Variants in DLG5 observed in about 807,000 individuals in gnomAD.
DLG5 encodes discs large MAGUK scaffold protein 5, also known as disks large homolog 5.
In DLG5, 48 loss-of-function variants were observed where a neutral mutation model predicts 189.8. The observed-to-expected ratio is 0.25, with a 90% CI of 0.20 to 0.32. The LOEUF (loss-of-function observed/expected upper bound fraction) is 0.32. Among genes scored for constraint, DLG5 ranks in the 10% least tolerant of loss-of-function variants. The pLI is 1.00. For synonymous variants in DLG5, 1,016 were observed against 1,054.1 expected, an observed-to-expected ratio of 0.96 and a Z score of 0.70; for missense variants, 2,160 against 2,544.7, an observed-to-expected ratio of 0.85 and a Z score of 3.25.
At chr10:77,901,397 T>C (rs1242665583) in intron 1 of DLG5, among the ~76,000 whole-genome samples, 1 of 152,166 alleles carries the variant, frequency 6.6e-6, no homozygotes, top group East Asian at 1.9e-4. Flanking sequence ...CCATCTACAG[T>C]AGCATCCTGG....
intron 12 of DLG5, 141 bp downstream of exon 12, chr10:77,829,214 G>C: frequency 7.9e-7 from 1 of 1,266,238 alleles, no homozygotes; most frequent in South Asian, 1.4e-5. Context: ...CCTCTTGCCA[G>C]AAAAGCACAT....
chr10:77,796,082 T>G lies in DLG5; in HGVS notation c.5415A>C (p.Ser1805=). The G allele has an allele frequency of 6.2e-7, 1 of 1,614,212 alleles. No homozygotes were observed. The change falls in exon 29 of 32, where the codon TCA becomes TCC. Residue 1805 remains serine, a synonymous_variant. Transcript: ENST00000372391. This position sits in a 1 kb window ranked among gnomAD's most constrained non-coding sequence, Gnocchi z 5.2. ...GTACCTTTTCTGTGATCTCCTTTAT[T>G]GACGCCACAGTGGTCACATCGAAAT... ...SGHFDVTTVA[S]IKEITEKNRH...
chr10:77,795,980 G>A (rs1156264051), intron 29 of DLG5, 81 bp downstream of exon 29: 2 of 1,596,912 alleles, frequency 1.3e-6, no homozygotes, highest in East Asian at 2.2e-5. Context: ...CTGGGGCAGA[G>A]GATCACGGAC....
In DLG5 at chr10:77,821,629, A is replaced by G; in HGVS notation, c.2855T>C (p.Leu952Pro). The change falls in exon 15 of 32, where the codon CTC becomes CCC. Residue 952 changes from leucine to proline, a missense_variant. Around this residue, in one of 5 missense-constraint regions of DLG5, gnomAD observed 754 missense variants for 746.5 expected, o/e 1.01. Transcript: ENST00000372391. ...CTTCTCAGGCACTGCCGTGGAGCTGAGCATGGCCTTGGGCCAGGTCCCGCC... is the reference window on the plus strand; with the variant it reads ...CTTCTCAGGCACTGCCGTGGAGCTGGGCATGGCCTTGGGCCAGGTCCCGCC... ...NSGGTWPKAM[L>P]SSTAVPEKLS... 1.2e-6 allele frequency: 2 copies of G among 1,613,046 alleles called. No homozygotes were observed. The highest frequency in any genetic ancestry group is 1.7e-6 in the Non-Finnish European group (2 of 1,179,966).
At chr10:77,839,973 A>C (rs184174102) in intron 7 of DLG5, among the ~76,000 whole-genome samples, 3 of 152,252 alleles carry the variant, frequency 2.0e-5, no homozygotes, top group Non-Finnish European at 4.4e-5. Context: ...TCAGACGGGC[A>C]TAATAATGAA....
intron 2 of DLG5, among the ~76,000 whole-genome samples, chr10:77,865,351 C>T (rs775772534): frequency 5.3e-5 from 8 of 152,066 alleles, no homozygotes; most frequent in Admixed American, 1.3e-4. Context: ...AGTGGCAGCC[C>T]CCACTTCCCT....
At chr10:77,917,817 C>T (rs1224006020) in intron 1 of DLG5, among the ~76,000 whole-genome samples, 4 of 148,842 alleles carry the variant, frequency 2.7e-5, no homozygotes, top group Non-Finnish European at 6.0e-5. Flanking sequence ...ACCTGAGGTA[C>T]GGAGTTCGAG....
chr10:77,925,341 G>A (rs1846652498), intron 1 of DLG5, among the ~76,000 whole-genome samples: 1 of 152,160 alleles, frequency 6.6e-6, no homozygotes, highest in Non-Finnish European at 1.5e-5. Context: ...TCCTCCCTCA[G>A]TGCCATGTCT....
At chr10:77,864,770 T>C (rs1482734696) in intron 2 of DLG5, among the ~76,000 whole-genome samples, 4 of 152,358 alleles carry the variant, frequency 2.6e-5, no homozygotes, top group African/African-American at 9.6e-5. Context: ...CCCCCACTGA[T>C]GTCCTTGACA....
chr10:77,824,541 C>T, intron 13 of DLG5, 65 bp from the exon 14 acceptor site: 1 of 1,267,918 alleles, frequency 7.9e-7, no homozygotes, highest in Non-Finnish European at 1.1e-6. Flanking sequence ...CAGTCAGGAT[C>T]TCTGCCTACC....
Position 77,817,087 on chromosome 10 carries a change from C to T in DLG5, c.3794G>A (p.Ser1265Asn), listed in dbSNP as rs1364254789. ...GCGTTCCGCCTTGAACTGCAAGTTACTCGAAGAACCTATTGTTCCATAAGG... is the reference window on the plus strand; with the variant it reads ...GCGTTCCGCCTTGAACTGCAAGTTATTCGAAGAACCTATTGTTCCATAAGG... ...LPSSARLGSS[S>N]NLQFKAERIK... Residue 1265 changes from serine (S) to asparagine (N), a missense_variant, in exon 19 of 32, where the codon AGT (serine) becomes AAT (asparagine). This residue lies in a region of DLG5 where 754 missense variants were observed against 746.5 expected (regional missense o/e 1.01). Transcript: ENST00000372391. 6.2e-7 allele frequency: 1 copy of T among 1,614,164 alleles called. No individual in the cohort carries two copies. Among genetic ancestry groups the T allele is most frequent in the East Asian group, 2.2e-5 (1 of 44,882 alleles).
chr10:77,808,267 T>TTTTA (rs139929109), intron 24 of DLG5, among the ~76,000 whole-genome samples: 1 of 152,082 alleles, frequency 6.6e-6, no homozygotes, highest in Non-Finnish European at 1.5e-5. Flanking sequence ...TTGCCTGTGC[T>TTTTA]TTTATTTATT....
chr10:77,794,537 C>T (rs900274150), intron 30 of DLG5, among the ~76,000 whole-genome samples: 2 of 152,166 alleles, frequency 1.3e-5, no homozygotes, highest in Non-Finnish European at 2.9e-5. Flanking sequence ...CTAAGCAGCA[C>T]GTAGCGAGGA....
chr10:77,812,574 G>A (rs1001819071), intron 20 of DLG5, among the ~76,000 whole-genome samples, 197 bp from the exon 21 acceptor site: 3 of 152,146 alleles, frequency 2.0e-5, no homozygotes, highest in African/African-American at 4.8e-5. Flanking sequence ...ACAGCCTCAC[G>A]CAACACGAGC....
chr10:77,852,331 A>C (rs1844018206), intron 5 of DLG5, among the ~76,000 whole-genome samples: 1 of 152,064 alleles, frequency 6.6e-6, no homozygotes, highest in Non-Finnish European at 1.5e-5. Flanking sequence ...AAATCACACT[A>C]CTGCACTCCA....
chr10:77,793,651 C>T (rs746713045), intron 31 of DLG5: 1 of 263,948 alleles, frequency 3.8e-6, no homozygotes, highest in Non-Finnish European at 7.1e-6. Context: ...GCCTCCGCTG[C>T]CCACACTGCT....
At chr10:77,914,547 C>A (rs946857542) in intron 1 of DLG5, among the ~76,000 whole-genome samples, 4 of 152,204 alleles carry the variant, frequency 2.6e-5, no homozygotes, top group Non-Finnish European at 5.9e-5. Flanking sequence ...AAGCCCCAGT[C>A]TGTGGGGGTC....
rs778850183 is a variant in DLG5 at position 77,816,674 on chromosome 10, G to C, written c.3902C>G (p.Thr1301Ser). ...RGSVSHSECSTPPQSPLNIDT... is the reference protein window; with the variant it reads ...RGSVSHSECSSPPQSPLNIDT... ...GATGTTCAGGGGTGACTGTGGAGGA[G>C]TGCTGCATTCAGAATGTGACACTGA... The change falls in exon 20 of 32, where the codon ACT (threonine) becomes AGT (serine). Residue 1301 changes from threonine to serine, a missense_variant. Coordinates refer to ENST00000372391, the MANE Select transcript of DLG5 (RefSeq NM_004747.4). The C allele has an allele frequency of 1.4e-5, 22 of 1,612,698 alleles. No individual in the cohort carries two copies. The highest frequency in any genetic ancestry group is 1.9e-5 in the Non-Finnish European group (22 of 1,179,360).
chr10:77,812,013 C>T lies in DLG5; in HGVS notation c.4233G>A (p.Arg1411=). ...NLRSATEQQA[R]LIIGQQCDTI... is the part of the protein sequence containing the mutation. ...TATCACACTGCTGCCCGATGATGAG[C>T]CGCGCCTGCTGCTCCGTGGCGCTCC... Residue 1411 remains arginine (R), a synonymous_variant, in exon 22 of 32, where the codon CGG becomes CGA. Transcript: ENST00000372391. 8 of 1,611,234 alleles carry T rather than the reference C, an allele frequency of 5.0e-6. No individual in the cohort carries two copies. The highest frequency in any genetic ancestry group is 6.8e-6 in the Non-Finnish European group (8 of 1,180,006).
Sources: allele counts gnomAD v4.1 joint callset (sites outside exome capture counted in the v4.1 genomes callset), GRCh38; gene constraint gnomAD v4.1.1; regional missense constraint gnomAD v4.1.1; non-coding constraint Gnocchi (gnomAD v3.1); transcripts MANE v1.5; gene names NCBI Gene and HGNC (gene_info 2026-07-23, HGNC 2026-07-21).